Variants in TBC1D22A observed in about 807,000 individuals in gnomAD.
TBC1D22A encodes putative GTPase activator.
Under a neutral mutation model 60.2 loss-of-function variants are expected in TBC1D22A, and 38 were observed. The observed-to-expected ratio is 0.63, with a 90% confidence interval of 0.49 to 0.83. TBC1D22A has a LOEUF of 0.83. Ranked by LOEUF, TBC1D22A falls within the 40% of genes least tolerant of loss-of-function variation. The pLI, the probability that TBC1D22A is intolerant of heterozygous loss-of-function variation, is 0.00. For synonymous variants in TBC1D22A, 302 were observed against 281.7 expected, an observed-to-expected ratio of 1.07 and a Z score of -0.72; for missense variants, 628 against 701.0, an observed-to-expected ratio of 0.90 and a Z score of 1.18.
intron 11 of TBC1D22A, among the ~76,000 whole-genome samples, chr22:47,040,102 G>A (rs938455645): frequency 1.3e-4 from 19 of 151,850 alleles, no homozygotes; most frequent in Non-Finnish European, 2.5e-4. Context: ...CCGCCACCAC[G>A]CCCGGCTAAT....
intron 11 of TBC1D22A, among the ~76,000 whole-genome samples, chr22:47,102,934 C>G (rs1440441073): frequency 6.6e-6 from 1 of 152,182 alleles, no homozygotes; most frequent in Non-Finnish European, 1.5e-5. Context: ...TTACCAATCA[C>G]GTGCTACTCA....
chr22:47,162,126 A>AT (rs1394162305), intron 12 of TBC1D22A, among the ~76,000 whole-genome samples: 1 of 148,916 alleles, frequency 6.7e-6, no homozygotes, highest in Admixed American at 6.7e-5. Flanking sequence ...TGTTTCTTCC[A>AT]TTTTTTCATT....
chr22:46,964,088 T>C (rs2073681212), intron 8 of TBC1D22A, among the ~76,000 whole-genome samples: 1 of 152,252 alleles, frequency 6.6e-6, no homozygotes, highest in Non-Finnish European at 1.5e-5. Context: ...GCCAGCGGCG[T>C]CTGTTTGATT....
rs758232351 is a variant in TBC1D22A, at chr22:47,173,668, G to A, written c.*42G>A. 1.5e-5 allele frequency: 24 copies of A among 1,609,180 alleles called. No individual in the cohort carries two copies. Among genetic ancestry groups the A allele is most frequent in the African/African-American group, 4.0e-5 (3 of 74,848 alleles). On this transcript the variant is annotated 3_prime_UTR_variant, in exon 13 of 13. Transcript: ENST00000337137. ...AGCTGGCCTCACTGTCCCGGGTGGC[G>A]CGCCCCACCTGCCTGGCTGGTGGTA...
chr22:46,816,215 T>A (rs1366609417), intron 4 of TBC1D22A, among the ~76,000 whole-genome samples: 4 of 152,118 alleles, frequency 2.6e-5, no homozygotes, highest in African/African-American at 9.7e-5. Context: ...TCCCTGAGCC[T>A]CCCCACTGGA....
intron 10 of TBC1D22A, among the ~76,000 whole-genome samples, 182 bp from the exon 11 acceptor site, chr22:47,036,889 G>A (rs563652984): frequency 5.3e-5 from 8 of 152,328 alleles, no homozygotes; most frequent in Admixed American, 6.5e-5. Flanking sequence ...CTGTAGGAAG[G>A]GAGAGCTGTA....
intron 8 of TBC1D22A, among the ~76,000 whole-genome samples, chr22:46,945,452 CT>C (rs2072476482): frequency 1.3e-5 from 2 of 152,200 alleles, no homozygotes; most frequent in African/African-American, 4.8e-5. Flanking sequence ...GAAGATGATG[CT>C]GTTATCACCC....
At chr22:46,791,284 C>T (rs2084395830) in intron 1 of TBC1D22A, among the ~76,000 whole-genome samples, 1 of 152,180 alleles carries the variant, frequency 6.6e-6, no homozygotes, top group Non-Finnish European at 1.5e-5. Context: ...GGCCTCCCAA[C>T]ATTGCCAGTA....
chr22:46,965,572 C>T (rs1219823268), intron 8 of TBC1D22A, among the ~76,000 whole-genome samples: 3 of 152,238 alleles, frequency 2.0e-5, no homozygotes, highest in African/African-American at 7.2e-5. Context: ...CCTTGTGCTT[C>T]AGAGGGTCTG....
chr22:46,965,270 C>T (rs910189382), intron 8 of TBC1D22A, among the ~76,000 whole-genome samples: 4 of 152,226 alleles, frequency 2.6e-5, no homozygotes, highest in African/African-American at 7.2e-5. Context: ...TCCACACCAG[C>T]GTGCCATTTT....
intron 5 of TBC1D22A, among the ~76,000 whole-genome samples, chr22:46,887,095 A>G (rs2068156612): frequency 6.6e-6 from 1 of 152,260 alleles, no homozygotes; most frequent in African/African-American, 2.4e-5. Flanking sequence ...TGTTGGCAGC[A>G]GGGCTCACGT....
intron 4 of TBC1D22A, among the ~76,000 whole-genome samples, chr22:46,817,476 A>C (rs994690835): frequency 4.0e-5 from 6 of 151,292 alleles, no homozygotes; most frequent in African/African-American, 9.7e-5. Context: ...TCATTGTTCA[A>C]CTCCCAGCTA....
intron 12 of TBC1D22A, among the ~76,000 whole-genome samples, chr22:47,137,949 C>T (rs1328579902): frequency 6.6e-6 from 1 of 152,140 alleles, no homozygotes; most frequent in South Asian, 2.1e-4. Context: ...CTTCAGGGCT[C>T]AGCATCTCCA....
intron 11 of TBC1D22A, among the ~76,000 whole-genome samples, chr22:47,051,610 A>C (rs894503025): frequency 6.6e-6 from 1 of 152,102 alleles, no homozygotes; most frequent in Non-Finnish European, 1.5e-5. Context: ...AGGTCCCCTC[A>C]AGGGGCCGGG....
chr22:47,000,744 G>A (rs913146010), intron 10 of TBC1D22A, among the ~76,000 whole-genome samples: 7 of 151,728 alleles, frequency 4.6e-5, no homozygotes, highest in Non-Finnish European at 1.0e-4. Flanking sequence ...AGGAACGTGC[G>A]TTTTCAGTCG....
At chr22:46,878,001 C>T (rs549280068) in intron 4 of TBC1D22A, among the ~76,000 whole-genome samples, 53 of 152,224 alleles carry the variant, frequency 3.5e-4, no homozygotes, top group Non-Finnish European at 2.9e-4. Context: ...CTCTGGCCAG[C>T]GCCTCCCTAC....
Position 47,090,486 on chromosome 22 carries a change from A to G in TBC1D22A, c.1330-21022A>G, listed in dbSNP as rs145393065. ...CAGTCAGTGCTGTCAGAAACGCAAC[A>G]TGCATGCCCTTTACTGTCCTGTTTA... is the stretch of plus-strand genomic sequence containing the variant. On this transcript the variant is annotated intron_variant, in intron 11 of 12. Coordinates refer to ENST00000337137, the MANE Select transcript of TBC1D22A (RefSeq NM_014346.5). Among the ~76,000 whole-genome samples the G allele has an allele frequency of 3.2e-4, 48 of 152,322 alleles. 1 individual carries two copies. The East Asian group carries it at 8.7e-3, about 28-fold the overall frequency.
rs190264750 is a variant in TBC1D22A, at chr22:46,823,187, G to C, written c.637+25567G>C. Among the ~76,000 whole-genome samples, 14 of 152,332 alleles carry C rather than the reference G, an allele frequency of 9.2e-5. No individual in the cohort carries two copies. The South Asian group carries it at 1.9e-3, about 20-fold the overall frequency. On this transcript the variant is annotated intron_variant, in intron 4 of 12. Coordinates refer to ENST00000337137, the MANE Select transcript of TBC1D22A (RefSeq NM_014346.5). ...GGTATAAGGTTGAGGGTCCATGACA[G>C]TGTCTCTGTGAAGAATCCAAAAGCC...
At chr22:46,809,594 C>T (rs539282087) in intron 4 of TBC1D22A, among the ~76,000 whole-genome samples, 1 of 152,226 alleles carries the variant, frequency 6.6e-6, no homozygotes, top group South Asian at 2.1e-4. Flanking sequence ...TCTCGGGGGT[C>T]AGGGCAGTAT....
Sources: gnomAD v4.1 joint callset for allele counts (sites outside exome capture counted in the v4.1 genomes callset) on GRCh38, gnomAD v4.1.1 for gene constraint, MANE v1.5 for transcripts, NCBI Gene and HGNC (gene_info 2026-07-23, HGNC 2026-07-21) for gene names.